The following MORC2 variants were observed in gnomAD, a reference collection of about 807,000 sequenced individuals.
MORC2 encodes the protein ATPase MORC2.
MORC2 carries 30 observed loss-of-function variants against 136.0 expected under a neutral mutation model. The ratio of observed to expected loss-of-function variants is 0.22; its 90% CI spans 0.17 to 0.30. The LOEUF is 0.30. MORC2 is among the 10% of genes least tolerant of loss of function. The pLI, the probability that MORC2 is intolerant of heterozygous loss-of-function variation, is 1.00. For synonymous variants in MORC2, 439 were observed against 487.0 expected (o/e 0.90, Z 1.30); for missense variants, 922 against 1,333.1 (o/e 0.69, Z 4.80).
chr22:30,928,884 T>G (rs2040530777), intron 24 of MORC2, among the ~76,000 whole-genome samples: 1 of 152,258 alleles, frequency 6.6e-6, no homozygotes, highest in African/African-American at 2.4e-5. Flanking sequence ...GTTCAATTTA[T>G]TTTCCAAGTT....
chr22:30,930,862 C>G (rs575880374), intron 24 of MORC2, among the ~76,000 whole-genome samples: 1 of 152,232 alleles, frequency 6.6e-6, no homozygotes, highest in South Asian at 2.1e-4. Context: ...TTGATCTCCA[C>G]GTGCACAATG....
chr22:30,938,719 G>A (rs1243303370), intron 12 of MORC2, among the ~76,000 whole-genome samples: 1 of 152,042 alleles, frequency 6.6e-6, no homozygotes, highest in Non-Finnish European at 1.5e-5. Flanking sequence ...ACAGGTGCCC[G>A]CCACCATGCC....
intron 6 of MORC2, among the ~76,000 whole-genome samples, chr22:30,945,696 TA>T (rs2040807051): frequency 6.6e-6 from 1 of 152,222 alleles, no homozygotes; most frequent in Non-Finnish European, 1.5e-5. Context: ...AGTCAATTAC[TA>T]AAATGATTTA....
chr22:30,943,334 C>T (rs984185511), intron 6 of MORC2, among the ~76,000 whole-genome samples: 24 of 152,218 alleles, frequency 1.6e-4, no homozygotes, highest in Admixed American at 1.1e-3. Context: ...AGAAATATGA[C>T]TGATGAGGGC....
rs1012684578 is a variant in MORC2, at chr22:30,949,642, G to C, written c.317+110C>G. 17 of 926,826 alleles carry C rather than the reference G, an allele frequency of 1.8e-5. No individual in the cohort carries two copies. The East Asian group carries it at 4.1e-4, about 22-fold the overall frequency. 57.4% of individuals were successfully genotyped at this position (926,826 alleles called of 1,614,324 possible). On this transcript the variant is annotated intron_variant, in intron 5 of 25. Coordinates refer to ENST00000397641, the MANE Select transcript of MORC2 (RefSeq NM_001303256.3). ...CACTTTCTGACTTCTTCCAGTTCCA[G>C]AATTATAGTCAATAGAGGGACAAGG...
intron 1 of MORC2, among the ~76,000 whole-genome samples, chr22:30,964,417 T>C (rs868654855): frequency 6.6e-6 from 1 of 151,990 alleles, no homozygotes; most frequent in Non-Finnish European, 1.5e-5. Context: ...AGATGTTAAG[T>C]GACTAAATGT....
chr22:30,956,882 G>T, intron 2 of MORC2, 85 bp from the exon 3 acceptor site: 1 of 1,096,720 alleles, frequency 9.1e-7, no homozygotes, highest in Non-Finnish European at 1.3e-6. Flanking sequence ...AGAATGCAGA[G>T]TATTTTGAGT....
rs1175471213 is a variant in MORC2 at position 30,968,023 on chromosome 22, G to A, written c.-134C>T. ...CCTTAATGACAGTTAAAGTAACCTA[G>A]TAGCTATCCAAAATATATGCAGAGA... is the stretch of plus-strand genomic sequence containing the variant. On this transcript the variant is annotated 5_prime_UTR_variant, in exon 1 of 26. Coordinates refer to ENST00000397641, the MANE Select transcript of MORC2 (RefSeq NM_001303256.3). 1.4e-6 allele frequency: 1 copy of A among 704,894 alleles called. No homozygotes were observed. The highest frequency in any genetic ancestry group is 2.4e-6 in the Non-Finnish European group (1 of 414,966). The allele number at this position is 704,894 out of a possible 1,614,324, so 43.7% of individuals were successfully genotyped here.
rs150282551 is a variant in MORC2 at position 30,962,523 on chromosome 22, A to C, written c.69-3829T>G. ...GGTGGGAGGATGGCCTGAGCCTAAGAAGCGAGGGTTGCAGTGAGCCAAGAC... is the reference window on the plus strand; with the variant it reads ...GGTGGGAGGATGGCCTGAGCCTAAGCAGCGAGGGTTGCAGTGAGCCAAGAC... On this transcript the variant is annotated intron_variant, in intron 1 of 25. Transcript: ENST00000397641. 1.5e-4 allele frequency among the ~76,000 whole-genome samples: 23 copies of C among 151,974 alleles called. 1 individual carries two copies. The East Asian group carries it at 4.3e-3, about 28-fold the overall frequency.
chr22:30,963,397 T>C (rs1426521666), intron 1 of MORC2: 1 of 863,444 alleles, frequency 1.2e-6, no homozygotes, highest in Non-Finnish European at 1.4e-6. Flanking sequence ...GCTTTTTTTT[T>C]TTTTGAGAGA....
intron 5 of MORC2, among the ~76,000 whole-genome samples, chr22:30,949,042 A>G (rs1260298122): frequency 6.6e-6 from 1 of 152,222 alleles, no homozygotes; most frequent in Non-Finnish European, 1.5e-5. Flanking sequence ...CAAGACTGGA[A>G]ACGTGACTCA....
chr22:30,964,150 G>A (rs1444988784), intron 1 of MORC2, among the ~76,000 whole-genome samples: 1 of 152,158 alleles, frequency 6.6e-6, no homozygotes, highest in Non-Finnish European at 1.5e-5. Flanking sequence ...GAGGTCAAGA[G>A]ATCAAGTCTA....
Position 30,933,519 on chromosome 22 carries a change from A to G in MORC2, c.2327T>C (p.Leu776Pro). The change falls in exon 21 of 26, where the codon CTC (leucine) becomes CCC (proline). Residue 776 changes from leucine to proline, a missense_variant and splice_region_variant. By Grantham distance (98) the Leu-to-Pro change is moderately conservative (BLOSUM62 -3). This residue lies in a region of MORC2 where 263 missense variants were observed against 388.3 expected (regional missense o/e 0.68). Transcript: ENST00000397641. Reference protein sequence around the residue: ...VKEEKKDSNELSDSAGEEDSA... With the variant: ...VKEEKKDSNEPSDSAGEEDSA... ...GTCCTCTTCCCCAGCACTGTCTGAG[A>G]GCTGCGTGGAGAGCAGTCTATTAGA... is the stretch of plus-strand genomic sequence containing the variant. The G allele has an allele frequency of 1.2e-6, 2 of 1,613,524 alleles. No homozygotes were observed. Among genetic ancestry groups the G allele is most frequent in the Non-Finnish European group, 1.7e-6 (2 of 1,179,906 alleles).
chr22:30,946,607 C>T lies in MORC2; in HGVS notation c.318-158G>A, dbSNP rs5753403. On this transcript the variant is annotated intron_variant, in intron 5 of 25. Coordinates refer to ENST00000397641, the MANE Select transcript of MORC2 (RefSeq NM_001303256.3). Reference sequence around the variant, plus strand: ...ACTGTGTGCTGAGTTCCACAGCCCTCGTTCCCTCTCCATCCCCCAACACTC... The same window carrying T: ...ACTGTGTGCTGAGTTCCACAGCCCTTGTTCCCTCTCCATCCCCCAACACTC... Among the ~76,000 whole-genome samples, 137,941 of 149,928 alleles carry T rather than the reference C, an allele frequency of 0.92. 63,530 individuals carry two copies. The highest frequency in any genetic ancestry group is 1 in the East Asian group (4,989 of 4,992).
In MORC2 at chr22:30,925,498, A is replaced by C. The variant is rs879147948; in HGVS notation, c.*1305T>G. ...CATTCCAGTGTGGCCTGCATCCCTCACCTCTGCTTCCCAGTCTTCTGCTGA... is the reference window on the plus strand; with the variant it reads ...CATTCCAGTGTGGCCTGCATCCCTCCCCTCTGCTTCCCAGTCTTCTGCTGA... On this transcript the variant is annotated 3_prime_UTR_variant, in exon 26 of 26. Coordinates refer to ENST00000397641, the MANE Select transcript of MORC2 (RefSeq NM_001303256.3). 1.3e-5 allele frequency: 2 copies of C among 157,240 alleles called. No homozygotes were observed. Among genetic ancestry groups the C allele is most frequent in the South Asian group, 4.0e-4 (2 of 5,004 alleles). The allele number at this position is 157,240 out of a possible 1,614,324, so 9.7% of individuals were successfully genotyped here.
chr22:30,938,102 T>C lies in MORC2; in HGVS notation c.1177A>G (p.Met393Val). The C allele has an allele frequency of 6.2e-7, 1 of 1,614,148 alleles. No homozygotes were observed. Among genetic ancestry groups the C allele is most frequent in the Non-Finnish European group, 8.5e-7 (1 of 1,180,024 alleles). The part of the protein sequence containing the change: ...FIYNCSRLIK[M>V]YEKVGPQLEG... ...AGCTGTGGGCCCACTTTCTCATACA[T>C]TTTGATCAGTCGGCTACAGTTGTAG... The change falls in exon 13 of 26, where the codon ATG (methionine) becomes GTG (valine). Residue 393 changes from methionine to valine, a missense_variant. This residue lies in a region of MORC2 where 16 missense variants were observed against 75.6 expected (regional missense o/e 0.21). Transcript: ENST00000397641.
chr22:30,950,337 G>GCGGGGGCCCC, intron 4 of MORC2, 40 bp downstream of exon 4: 3 of 761,714 alleles, frequency 3.9e-6, no homozygotes, highest in African/African-American at 1.8e-5. Flanking sequence ...TGGTTACATC[G>GCGGGGGCCCC]CACCCCCCCA....
At chr22:30,959,314 G>C (rs2147310477) in intron 1 of MORC2, among the ~76,000 whole-genome samples, 1 of 152,284 alleles carries the variant, frequency 6.6e-6, no homozygotes, top group East Asian at 1.9e-4. Context: ...GCAAGCTCTT[G>C]TCATCCTAGA....
Position 30,938,104 on chromosome 22 carries a change from T to C in MORC2, c.1175A>G (p.Lys392Arg). The C allele has an allele frequency of 6.2e-7, 1 of 1,614,166 alleles. No homozygotes were observed. Among genetic ancestry groups the C allele is most frequent in the Non-Finnish European group, 8.5e-7 (1 of 1,180,050 alleles). The change falls in exon 13 of 26, where the codon AAA becomes AGA. Residue 392 changes from lysine (K) to arginine (R), a missense_variant. Around this residue, in one of 9 missense-constraint regions of MORC2, gnomAD observed 16 missense variants for 75.6 expected, o/e 0.21. Coordinates refer to ENST00000397641, the MANE Select transcript of MORC2 (RefSeq NM_001303256.3). ...CTGTGGGCCCACTTTCTCATACATT[T>C]TGATCAGTCGGCTACAGTTGTAGAT... is the stretch of plus-strand genomic sequence containing the variant. The part of the protein sequence containing the change: ...MFIYNCSRLI[K>R]MYEKVGPQLE...
Sources: allele counts gnomAD v4.1 joint callset (sites outside exome capture counted in the v4.1 genomes callset), GRCh38; gene constraint gnomAD v4.1.1; regional missense constraint gnomAD v4.1.1; transcripts MANE v1.5; gene names NCBI Gene and HGNC (gene_info 2026-07-23, HGNC 2026-07-21).